Variants in NEGR1 observed in about 807,000 individuals in gnomAD.
NEGR1 encodes the protein IgLON family member 4.
Under a neutral mutation model 40.9 loss-of-function variants are expected in NEGR1, and 10 were observed. The observed-to-expected ratio is 0.24, with a 90% confidence interval of 0.15 to 0.42. The LOEUF (loss-of-function observed/expected upper bound fraction) is 0.42, where lower values mean the gene tolerates loss of function less well. NEGR1 is among the 10% of genes least tolerant of loss of function. The pLI is 1.00. For synonymous variants in NEGR1, 185 were observed against 166.8 expected, an observed-to-expected ratio of 1.11 and a Z score of -0.84; for missense variants, 352 against 438.9, an observed-to-expected ratio of 0.80 and a Z score of 1.77.
intron 1 of NEGR1, among the ~76,000 whole-genome samples, chr1:72,139,251 A>G (rs1208377433): frequency 6.7e-6 from 1 of 150,368 alleles, no homozygotes; most frequent in African/African-American, 2.5e-5. Context: ...AAACCAGAAA[A>G]AGCGAAAAAA....
intron 2 of NEGR1, among the ~76,000 whole-genome samples, chr1:71,835,004 A>G (rs1211368524): frequency 6.6e-6 from 1 of 151,748 alleles, no homozygotes; most frequent in Non-Finnish European, 1.5e-5. Flanking sequence ...AGTTCTGCCA[A>G]TCTGGACCAG....
intron 6 of NEGR1, among the ~76,000 whole-genome samples, chr1:71,410,846 C>T (rs1458490040): frequency 6.6e-6 from 1 of 152,084 alleles, no homozygotes; most frequent in Non-Finnish European, 1.5e-5. Context: ...GGTCAAATTC[C>T]AATCAACTAC....
chr1:71,899,569 AT>A, intron 2 of NEGR1, among the ~76,000 whole-genome samples: 1 of 152,328 alleles, frequency 6.6e-6, no homozygotes, highest in Middle Eastern at 3.4e-3. Flanking sequence ...ACACAGTAGC[AT>A]TTCAGTTTTC....
At chr1:71,623,642 A>G (rs1308815867) in intron 4 of NEGR1, among the ~76,000 whole-genome samples, 2 of 151,992 alleles carry the variant, frequency 1.3e-5, no homozygotes, top group Admixed American at 6.6e-5. Context: ...AATAAGTAGT[A>G]ACTAACAGCA....
At chr1:71,557,368 T>G (rs1238428963) in intron 6 of NEGR1, among the ~76,000 whole-genome samples, 1 of 151,640 alleles carries the variant, frequency 6.6e-6, no homozygotes, top group Non-Finnish European at 1.5e-5. Flanking sequence ...CAGACAAATG[T>G]TAGCTTTGTG....
At chr1:71,817,223 G>A (rs1658256084) in intron 2 of NEGR1, among the ~76,000 whole-genome samples, 1 of 152,020 alleles carries the variant, frequency 6.6e-6, no homozygotes, top group Non-Finnish European at 1.5e-5. Context: ...GATGTGGTGA[G>A]CAGACTGCCT....
chr1:71,681,383 G>A (rs1652832150), intron 4 of NEGR1, among the ~76,000 whole-genome samples: 1 of 151,540 alleles, frequency 6.6e-6, no homozygotes, highest in Admixed American at 6.6e-5. Context: ...AACATAAAAT[G>A]ACAGTTGTTC....
At position 72,090,819 on chromosome 1, in the gene NEGR1, G is replaced by C. The variant is rs868075512; in HGVS notation, c.177-155508C>G. On this transcript the variant is annotated intron_variant, in intron 1 of 6. Coordinates refer to ENST00000357731, the MANE Select transcript of NEGR1 (RefSeq NM_173808.3). The stretch of plus-strand genomic sequence containing the variant: ...AGCTGTGGGGTTTTGAGTAAGTCAT[G>C]TGCCCTCTAGACCTAGTTTTCACAT... Among the ~76,000 whole-genome samples, 9 of 152,116 alleles carry C rather than the reference G, an allele frequency of 5.9e-5. No homozygotes were observed. In the South Asian group the frequency reaches 1.2e-3, roughly 21 times the overall value.
chr1:72,228,232 C>T (rs1266763899), intron 1 of NEGR1, among the ~76,000 whole-genome samples: 3 of 152,100 alleles, frequency 2.0e-5, no homozygotes, highest in East Asian at 3.9e-4. Flanking sequence ...TTGGTGGACT[C>T]GGAAAAACAG....
At chr1:71,702,501 T>A (rs77858825) in intron 3 of NEGR1, among the ~76,000 whole-genome samples, 3,577 of 152,150 alleles carry the variant, frequency 0.024, 97 homozygotes, top group Admixed American at 0.071. Flanking sequence ...CTAGAAGGCC[T>A]TGTATTCCAT....
chr1:71,990,922 T>A (rs1034995145), intron 1 of NEGR1, among the ~76,000 whole-genome samples: 4 of 150,630 alleles, frequency 2.7e-5, no homozygotes, highest in Non-Finnish European at 3.0e-5. Context: ...ATATATATTT[T>A]TTTTTTAATG....
Position 72,037,850 on chromosome 1 carries a change from C to T in NEGR1, c.177-102539G>A, listed in dbSNP as rs1646916955. ...TTCCAGGATATACTATTAGCCAGGT[C>T]GCTTATTTTTATTTGCACCATGAAC... On this transcript the variant is annotated intron_variant, in intron 1 of 6. Coordinates refer to ENST00000357731, the MANE Select transcript of NEGR1 (RefSeq NM_173808.3). Among the ~76,000 whole-genome samples, 3 of 152,098 alleles carry T rather than the reference C, an allele frequency of 2.0e-5. No individual in the cohort carries two copies. In the South Asian group the frequency reaches 6.2e-4, roughly 32 times the overall value.
At chr1:71,437,342 G>T (rs1343791366) in intron 6 of NEGR1, among the ~76,000 whole-genome samples, 1 of 152,064 alleles carries the variant, frequency 6.6e-6, no homozygotes, top group Non-Finnish European at 1.5e-5. Context: ...AATTGATGTG[G>T]TGATGGTTGC....
intron 1 of NEGR1, among the ~76,000 whole-genome samples, chr1:71,987,766 T>C (rs1269511560): frequency 7.8e-6 from 1 of 128,740 alleles, no homozygotes; most frequent in East Asian, 2.5e-4. Flanking sequence ...ATATGATGAA[T>C]TGAAGAAATC....
intron 6 of NEGR1, among the ~76,000 whole-genome samples, chr1:71,527,434 T>C (rs1290162916): frequency 6.6e-6 from 1 of 151,106 alleles, no homozygotes; most frequent in Non-Finnish European, 1.5e-5. Context: ...CATCCATCCA[T>C]CCATCCATCC....
At chr1:71,923,352 GAT>G (rs145739445) in intron 2 of NEGR1, among the ~76,000 whole-genome samples, 5,531 of 102,874 alleles carry the variant, frequency 0.054, 346 homozygotes, top group African/African-American at 0.16. Flanking sequence ...CTTGGACAGC[GAT>G]ACACACACAC....
intron 6 of NEGR1, among the ~76,000 whole-genome samples, chr1:71,539,874 A>T (rs1354244423): frequency 6.6e-6 from 1 of 151,780 alleles, no homozygotes; most frequent in Non-Finnish European, 1.5e-5. Flanking sequence ...TGCTTAATAA[A>T]ATTAATAAAA....
intron 6 of NEGR1, among the ~76,000 whole-genome samples, chr1:71,537,063 T>A (rs1171327557): frequency 6.6e-6 from 1 of 151,738 alleles, no homozygotes; most frequent in Non-Finnish European, 1.5e-5. Context: ...AAGTCATTAT[T>A]ATAATTACAT....
At chr1:72,051,797 A>T (rs1025593139) in intron 1 of NEGR1, among the ~76,000 whole-genome samples, 1 of 151,400 alleles carries the variant, frequency 6.6e-6, no homozygotes, top group Non-Finnish European at 1.5e-5. Flanking sequence ...TCCTGAGAGA[A>T]TTTTTGTCTA....
Sources: allele counts gnomAD v4.1 joint callset (sites outside exome capture counted in the v4.1 genomes callset), GRCh38; gene constraint gnomAD v4.1.1; transcripts MANE v1.5; gene names NCBI Gene and HGNC (gene_info 2026-07-23, HGNC 2026-07-21).